Variants in C8orf34 observed in about 807,000 individuals in gnomAD.
The protein encoded by C8orf34 is uncharacterized protein C8orf34.
C8orf34 carries 65 observed loss-of-function variants against 68.3 expected under a neutral mutation model. That is an observed-to-expected ratio of 0.95 (90% CI 0.78 to 1.17). C8orf34 has a LOEUF of 1.17. C8orf34 is among the 50% of genes most tolerant of loss of function. The probability of loss-of-function intolerance (pLI) is 0.00; values close to 1 mark genes in which losing one functional copy is unlikely to be tolerated. For missense variants in C8orf34, 664 were observed against 655.4 expected, an observed-to-expected ratio of 1.01 and a Z score of -0.14; for synonymous variants, 244 against 241.2, an observed-to-expected ratio of 1.01 and a Z score of -0.11.
At chr8:68,494,898 CTCTCAAAAAATATATATATA>C (rs1291459749) in intron 5 of C8orf34, among the ~76,000 whole-genome samples, 44 of 150,622 alleles carry the variant, frequency 2.9e-4, no homozygotes, top group African/African-American at 9.7e-4. Flanking sequence ...ATATATATCT[CTCTCAAAAAATATATATATA>C]TCTCAAAAAA....
chr8:68,776,528 C>A, intron 11 of C8orf34, 79 bp downstream of exon 11: 2 of 1,155,604 alleles, frequency 1.7e-6, no homozygotes, highest in South Asian at 1.3e-5. Flanking sequence ...AGGCTTTCTC[C>A]ATCTACTTGT....
intron 7 of C8orf34, among the ~76,000 whole-genome samples, chr8:68,600,331 T>C (rs1265951621): frequency 6.6e-6 from 1 of 152,142 alleles, no homozygotes; most frequent in Non-Finnish European, 1.5e-5. Flanking sequence ...CCACATCAGA[T>C]GGTGTTGTAA....
chr8:68,660,909 A>G (rs112173981), intron 8 of C8orf34, among the ~76,000 whole-genome samples: 3,623 of 151,686 alleles, frequency 0.024, 48 homozygotes, highest in African/African-American at 0.031. Context: ...AAGGGGGGGG[A>G]AAAACAACAG....
chr8:68,468,777 G>A lies in C8orf34; in HGVS notation c.693G>A (p.Gln231=). Residue 231 remains glutamine (Q), a synonymous_variant, in exon 4 of 14, where the codon CAG becomes CAA. Coordinates refer to ENST00000518698, the MANE Select transcript of C8orf34 (RefSeq NM_052958.4). ...TTGATGAATTGAATCACATCCTTCA[G>A]GAGAGCAAGAAGCTGGGGAAAGCCC... is the stretch of plus-strand genomic sequence containing the variant. ...RDFDELNHIL[Q]ESKKLGKALE... 1.9e-6 allele frequency: 3 copies of A among 1,612,362 alleles called. No individual in the cohort carries two copies. Among genetic ancestry groups the A allele is most frequent in the African/African-American group, 1.3e-5 (1 of 74,898 alleles).
intron 10 of C8orf34, among the ~76,000 whole-genome samples, chr8:68,761,937 TG>T (rs1215585604): frequency 1.3e-5 from 2 of 152,232 alleles, no homozygotes; most frequent in African/African-American, 2.4e-5. Context: ...TTAATTTCAC[TG>T]GGCTAGTTTC....
intron 4 of C8orf34, among the ~76,000 whole-genome samples, chr8:68,469,581 T>C (rs558328435): frequency 1.3e-5 from 2 of 152,182 alleles, no homozygotes; most frequent in East Asian, 1.9e-4. Flanking sequence ...ATACACTATA[T>C]GGTTTTAGTA....
rs182581033 is a variant in C8orf34, at chr8:68,394,774, G to C, written c.328-44725G>C. ...GTGACATTTCTGCTGTTGCCATCTA[G>C]TGGCCACCATTAGTGATGGTGCGTT... On this transcript the variant is annotated intron_variant, in intron 1 of 13. Coordinates refer to ENST00000518698, the MANE Select transcript of C8orf34 (RefSeq NM_052958.4). 1.2e-3 allele frequency among the ~76,000 whole-genome samples: 182 copies of C among 152,080 alleles called. 1 individual carries two copies. The highest frequency in any genetic ancestry group is 1.3e-3 in the Non-Finnish European group (85 of 67,984).
rs532803118 is a variant in C8orf34 at position 68,396,755 on chromosome 8, T to C, written c.328-42744T>C. 1.6e-3 allele frequency among the ~76,000 whole-genome samples: 186 copies of C among 117,688 alleles called. 4 individuals carry two copies. The East Asian group carries it at 0.025, about 16-fold the overall frequency. 77.2% of individuals were successfully genotyped at this position (117,688 alleles called of 152,430 possible). ...AAAAAAAAAAAAGCCTGGTGCCTCC[T>C]CTCTCTCTCTCGCTTCCTCTCCTGC... On this transcript the variant is annotated intron_variant, in intron 1 of 13. Coordinates refer to ENST00000518698, the MANE Select transcript of C8orf34 (RefSeq NM_052958.4).
At chr8:68,789,338 T>C (rs1823928768) in intron 12 of C8orf34, among the ~76,000 whole-genome samples, 1 of 152,244 alleles carries the variant, frequency 6.6e-6, no homozygotes, top group Non-Finnish European at 1.5e-5. Flanking sequence ...TATATGAGTG[T>C]GCTATATTTT....
At chr8:68,600,969 C>A (rs1012596446) in intron 7 of C8orf34, among the ~76,000 whole-genome samples, 1 of 152,120 alleles carries the variant, frequency 6.6e-6, no homozygotes. Flanking sequence ...TCTATCTTCA[C>A]GAGATTAACT....
At chr8:68,351,742 G>C (rs904069915) in intron 1 of C8orf34, among the ~76,000 whole-genome samples, 1 of 151,964 alleles carries the variant, frequency 6.6e-6, no homozygotes, top group African/African-American at 2.4e-5. Flanking sequence ...TGGACTATAT[G>C]GTAAGAATAG....
intron 7 of C8orf34, among the ~76,000 whole-genome samples, chr8:68,629,998 T>A (rs2130689714): frequency 6.6e-6 from 1 of 152,276 alleles, no homozygotes; most frequent in Admixed American, 6.5e-5. Context: ...ATGAATATTA[T>A]TCTTAAATAT....
chr8:68,688,764 C>A (rs952548796), intron 8 of C8orf34, among the ~76,000 whole-genome samples: 1 of 152,006 alleles, frequency 6.6e-6, no homozygotes, highest in Non-Finnish European at 1.5e-5. Context: ...TGTTCTCACT[C>A]ATAAGTGGGA....
intron 7 of C8orf34, among the ~76,000 whole-genome samples, chr8:68,592,003 T>G (rs1283757473): frequency 6.6e-6 from 1 of 152,148 alleles, no homozygotes; most frequent in South Asian, 2.1e-4. Flanking sequence ...TAAGATAATC[T>G]TTTTATGAGT....
At chr8:68,690,754 C>T (rs1322985976) in intron 8 of C8orf34, among the ~76,000 whole-genome samples, 2 of 152,004 alleles carry the variant, frequency 1.3e-5, no homozygotes, top group African/African-American at 2.4e-5. Context: ...AATGGTAACC[C>T]TCATTAGGAA....
intron 8 of C8orf34, among the ~76,000 whole-genome samples, chr8:68,688,702 G>C (rs529494918): frequency 1.5e-4 from 23 of 152,202 alleles, no homozygotes; most frequent in Non-Finnish European, 2.6e-4. Context: ...GATGAAGCTG[G>C]AAGCCGTCAT....
At chr8:68,344,211 A>G (rs1806189056) in intron 1 of C8orf34, among the ~76,000 whole-genome samples, 1 of 152,214 alleles carries the variant, frequency 6.6e-6, no homozygotes, top group Non-Finnish European at 1.5e-5. Context: ...CATCCATGAC[A>G]TGGAATACTA....
intron 7 of C8orf34, among the ~76,000 whole-genome samples, chr8:68,546,621 A>G (rs1563522227): frequency 6.6e-6 from 1 of 151,870 alleles, no homozygotes. Context: ...GAATAACAGT[A>G]TCAACATTTA....
At chr8:68,375,620 A>G (rs1807759080) in intron 1 of C8orf34, among the ~76,000 whole-genome samples, 1 of 152,254 alleles carries the variant, frequency 6.6e-6, no homozygotes, top group Non-Finnish European at 1.5e-5. Context: ...ACAATCTTTC[A>G]ATCATGACAG....
Sources: allele counts gnomAD v4.1 joint callset (sites outside exome capture counted in the v4.1 genomes callset), GRCh38; gene constraint gnomAD v4.1.1; transcripts MANE v1.5; gene names NCBI Gene and HGNC (gene_info 2026-07-23, HGNC 2026-07-21).